The following CIITA variants were observed in gnomAD, a reference collection of about 807,000 sequenced individuals.
The protein encoded by CIITA is class II major histocompatibility complex transactivator.
In CIITA, 72 loss-of-function variants were observed where a neutral mutation model predicts 115.1. The observed-to-expected ratio is 0.63, with a 90% confidence interval of 0.52 to 0.76. The LOEUF is 0.76. Ranked by LOEUF, CIITA falls within the 30% of genes least tolerant of loss-of-function variation. CIITA has a pLI of 0.00. For synonymous variants in CIITA, 763 were observed against 635.6 expected (o/e 1.20, Z -3.02); for missense variants, 1,617 against 1,463.8 (o/e 1.10, Z -1.71).
chr16:10,876,032 C>A (rs1262023905), upstream of CIITA, among the ~76,000 whole-genome samples: 1 of 151,900 alleles, frequency 6.6e-6, no homozygotes, highest in African/African-American at 2.4e-5. Context: ...TGCCTGTAAT[C>A]CCAGCTGCTC....
intron 1 of CIITA, among the ~76,000 whole-genome samples, chr16:10,884,927 C>A (rs1012680462): frequency 6.6e-6 from 1 of 152,158 alleles, no homozygotes; most frequent in African/African-American, 2.4e-5. Flanking sequence ...ATAATTGAAT[C>A]CTGCCTCTCC....
intron 15 of CIITA, among the ~76,000 whole-genome samples, chr16:10,917,240 A>G (rs776354608): frequency 1.3e-5 from 2 of 152,088 alleles, no homozygotes; most frequent in Non-Finnish European, 2.9e-5. Flanking sequence ...CAGTGGTGTA[A>G]TCATGGCTCA....
At position 10,934,002 on chromosome 16, in the gene CIITA, T is replaced by A. The variant is rs2040912420; in HGVS notation, c.*10147T>A. The stretch of plus-strand genomic sequence containing the variant: ...CTGCCTGTCTCTGCACAGGTCCATG[T>A]CCCTGAGGAAAGCCAACGTCACAGA... On this transcript the variant is annotated 3_prime_UTR_variant, in exon 20 of 20. Coordinates refer to ENST00000324288, the MANE Select transcript of CIITA (RefSeq NM_000246.4). This position sits in a 1 kb window ranked among gnomAD's most constrained non-coding sequence, Gnocchi z 4.2. 1 of 152,174 alleles carries A rather than the reference T, an allele frequency of 6.6e-6. No individual in the cohort carries two copies. Among genetic ancestry groups the A allele is most frequent in the Non-Finnish European group, 1.5e-5 (1 of 68,038 alleles). The allele number at this position is 152,174 out of a possible 1,614,324, so 9.4% of individuals were successfully genotyped here.
chr16:10,898,090 C>T (rs1475616149), intron 3 of CIITA, among the ~76,000 whole-genome samples: 1 of 152,220 alleles, frequency 6.6e-6, no homozygotes, highest in Non-Finnish European at 1.5e-5. Flanking sequence ...AGGAAGCCTT[C>T]CCTGATTGCC....
chr16:10,870,690 C>A (rs1869785804), intron 1 of CIITA, among the ~76,000 whole-genome samples: 1 of 152,216 alleles, frequency 6.6e-6, no homozygotes, highest in South Asian at 2.1e-4. Context: ...CATGACTAGA[C>A]CACTCGGAAT....
Position 10,923,338 on chromosome 16 carries a change from G to C in CIITA, c.*22+13G>C. ...TGCTCTGGACAGGGTAACCAGGGTG[G>C]GCTTGGGAGGGGAGAGCCGCAGTGG... On this transcript the variant is annotated intron_variant, in intron 19 of 19. Coordinates refer to ENST00000324288, the MANE Select transcript of CIITA (RefSeq NM_000246.4). This position sits in a 1 kb window ranked among gnomAD's most constrained non-coding sequence, Gnocchi z 5.2. The C allele has an allele frequency of 6.7e-7, 1 of 1,500,640 alleles. No individual in the cohort carries two copies. The highest frequency in any genetic ancestry group is 1.1e-5 in the South Asian group (1 of 88,886). 93.0% of individuals were successfully genotyped at this position (1,500,640 alleles called of 1,614,324 possible). A position where few individuals can be genotyped will look rare whatever the true frequency, so the allele number is the denominator to read the frequency against.
chr16:10,893,324 A>G (rs2037783324), intron 1 of CIITA, among the ~76,000 whole-genome samples: 1 of 152,030 alleles, frequency 6.6e-6, no homozygotes. Context: ...ATGGACCTGA[A>G]CCACGGATCC....
At chr16:10,890,133 T>C (rs1026484653) in intron 1 of CIITA, among the ~76,000 whole-genome samples, 6 of 152,024 alleles carry the variant, frequency 3.9e-5, no homozygotes, top group Non-Finnish European at 7.4e-5. Flanking sequence ...GAAATGTGTA[T>C]TGGGGGCTTC....
downstream of CIITA, chr16:10,936,716 C>A (rs2041032242): frequency 6.6e-6 from 1 of 152,222 alleles, no homozygotes; most frequent in Admixed American, 6.5e-5. Context: ...GGAGCCCTCA[C>A]TGGAGGCACC....
At position 10,932,290 on chromosome 16, in the gene CIITA, A is replaced by G. The variant is rs970725416; in HGVS notation, c.*8435A>G. ...TGAAAATCGTGACAACACTTGTGTT[A>G]TGAAGCATTTACTTTGTGTTCACCT... On this transcript the variant is annotated 3_prime_UTR_variant, in exon 20 of 20. Coordinates refer to ENST00000324288, the MANE Select transcript of CIITA (RefSeq NM_000246.4). 1.3e-5 allele frequency: 2 copies of G among 152,270 alleles called. No individual in the cohort carries two copies. Among genetic ancestry groups the G allele is most frequent in the African/African-American group, 4.8e-5 (2 of 41,462 alleles). 9.4% of individuals were successfully genotyped at this position (152,270 alleles called of 1,614,324 possible).
chr16:10,905,719 G>A (rs56093727), intron 10 of CIITA, among the ~76,000 whole-genome samples: 1,814 of 151,462 alleles, frequency 0.012, 41 homozygotes, highest in African/African-American at 0.042. Context: ...CTGAGATTGC[G>A]CCAGTGCACT....
chr16:10,910,349 C>A, intron 13 of CIITA, 90 bp downstream of exon 13: 1 of 1,108,134 alleles, frequency 9.0e-7, no homozygotes, highest in Non-Finnish European at 1.4e-6. Context: ...GGAGATAGAT[C>A]TCCAGAATCA....
rs985648749 is a variant in CIITA, at chr16:10,925,771, A to G, written c.*1916A>G. On this transcript the variant is annotated 3_prime_UTR_variant, in exon 20 of 20. Transcript: ENST00000324288. The stretch of plus-strand genomic sequence containing the variant: ...ACCTTGGCTCAAGTCCTCTTTTCTG[A>G]GAGGACTTTTCTTTGTGGCTTCCTA... 2.6e-5 allele frequency: 4 copies of G among 152,206 alleles called. No individual in the cohort carries two copies. The highest frequency in any genetic ancestry group is 9.7e-5 in the African/African-American group (4 of 41,440). 9.4% of individuals were successfully genotyped at this position (152,206 alleles called of 1,614,324 possible).
At chr16:10,921,486 A>G (rs1424938868) in intron 16 of CIITA, among the ~76,000 whole-genome samples, 1 of 152,222 alleles carries the variant, frequency 6.6e-6, no homozygotes, top group Non-Finnish European at 1.5e-5. Flanking sequence ...GCTAACATTT[A>G]GTTCATTCTA....
At position 10,942,034 on chromosome 16, in the gene CIITA, C is replaced by A; in HGVS notation, n.1160C>A. 1 of 1,371,128 alleles carries A rather than the reference C, an allele frequency of 7.3e-7. No individual in the cohort carries two copies. Among genetic ancestry groups the A allele is most frequent in the Non-Finnish European group, 9.4e-7 (1 of 1,064,044 alleles). 84.9% of individuals were successfully genotyped at this position (1,371,128 alleles called of 1,614,324 possible). ...GCGGGTGGCAAGGGCGGCGGCCCGG[C>A]GATCCCGGCGAACTCAGCCGCTGCG... On this transcript the variant is annotated non_coding_transcript_exon_variant, in exon 2 of 2. Transcript: ENST00000573379. The surrounding 1 kb of genome is among the most constrained non-coding windows in gnomAD (Gnocchi z 5.0).
rs559875711 is a variant in CIITA, at chr16:10,918,428, G to T, written c.3063-12G>T. 68 of 1,613,660 alleles carry T rather than the reference G, an allele frequency of 4.2e-5. 1 individual carries two copies. In the East Asian group the frequency reaches 1.4e-3, roughly 34 times the overall value. ...TTGGTCCTGAGCCCTCCCCCTCACT[G>T]TGTCCCCGCAGTCTGTCCCAGAACA... On this transcript the variant is annotated splice_polypyrimidine_tract_variant and intron_variant, in intron 15 of 19. Transcript: ENST00000324288.
intron 1 of CIITA, among the ~76,000 whole-genome samples, chr16:10,889,056 G>A (rs1190893048): frequency 6.6e-6 from 1 of 152,218 alleles, no homozygotes; most frequent in Non-Finnish European, 1.5e-5. Flanking sequence ...CTATATCATT[G>A]CCACGGATGA....
intron 7 of CIITA, among the ~76,000 whole-genome samples, 173 bp downstream of exon 7, chr16:10,902,357 C>T (rs536586546): frequency 3.7e-4 from 56 of 152,318 alleles, no homozygotes; most frequent in Non-Finnish European, 6.9e-4. Flanking sequence ...CAGCTCAATC[C>T]CTGGCAGAGA....
chr16:10,884,291 A>C (rs1456810196), intron 1 of CIITA, among the ~76,000 whole-genome samples: 1 of 152,198 alleles, frequency 6.6e-6, no homozygotes, highest in Non-Finnish European at 1.5e-5. Flanking sequence ...AGGGAGCTGC[A>C]ATGGAAATCC....
Sources: gnomAD v4.1 joint callset for allele counts (sites outside exome capture counted in the v4.1 genomes callset) on GRCh38, gnomAD v4.1.1 for gene constraint, Gnocchi (gnomAD v3.1) non-coding constraint, MANE v1.5 for transcripts, NCBI Gene and HGNC (gene_info 2026-07-23, HGNC 2026-07-21) for gene names.